Variants in TRIM66 observed in about 807,000 individuals in gnomAD.
The protein encoded by TRIM66 is tripartite motif-containing protein 66.
A neutral mutation model predicts 148.2 loss-of-function variants in TRIM66; 99 were observed. That is an observed-to-expected ratio of 0.67 (90% CI 0.57 to 0.79). The LOEUF (loss-of-function observed/expected upper bound fraction) is 0.79. Ranked by LOEUF, TRIM66 falls within the 30% of genes least tolerant of loss-of-function variation. TRIM66 has a pLI of 0.00. For missense variants in TRIM66, 1,666 were observed against 1,697.9 expected, an observed-to-expected ratio of 0.98 and a Z score of 0.33; for synonymous variants, 616 against 635.9, an observed-to-expected ratio of 0.97 and a Z score of 0.47.
Position 8,622,339 on chromosome 11 carries a change from A to AACAC in TRIM66, c.3080+473_3080+476dup, listed in dbSNP as rs150269400. ...TATATATGGAAGTACACACACACAC[A>AACAC]ACACACACACACACACACACACACA... is the stretch of plus-strand genomic sequence containing the variant. On this transcript the variant is annotated intron_variant, in intron 18 of 24. Coordinates refer to ENST00000646038, the MANE Select transcript of TRIM66 (RefSeq NM_001388022.1). Among the ~76,000 whole-genome samples the AACAC allele has an allele frequency of 7.7e-4, 55 of 71,398 alleles. 6 individuals are homozygous for AACAC. Among genetic ancestry groups the AACAC allele is most frequent in the South Asian group, 1.8e-3 (4 of 2,250 alleles). The allele number at this position is 71,398 out of a possible 152,430, so 46.8% of individuals were successfully genotyped here.
intron 3 of TRIM66, among the ~76,000 whole-genome samples, chr11:8,676,894 T>C (rs1263797226): frequency 3.3e-5 from 5 of 152,236 alleles, no homozygotes; most frequent in African/African-American, 1.2e-4. Flanking sequence ...AATGTGGGTC[T>C]AATGTCTCCA....
At chr11:8,666,341 GAAAAAAAAAAAA>G (rs558326812) in intron 6 of TRIM66, among the ~76,000 whole-genome samples, 33 of 23,542 alleles carry the variant, frequency 1.4e-3, no homozygotes, top group South Asian at 6.8e-3. Context: ...CTCCGCCTCA[GAAAAAAAAAAAA>G]AAAAAAAAAA....
intron 24 of TRIM66, 140 bp downstream of exon 24, chr11:8,618,610 C>G: frequency 1.3e-6 from 1 of 768,896 alleles, no homozygotes; most frequent in Admixed American, 2.3e-5. Flanking sequence ...TCCCTGGGGG[C>G]TAAGGGGCTG....
chr11:8,635,807 C>T (rs963923040), intron 15 of TRIM66, among the ~76,000 whole-genome samples: 1 of 152,172 alleles, frequency 6.6e-6, no homozygotes, highest in Non-Finnish European at 1.5e-5. Context: ...GCTCAGGGAA[C>T]CCTGTTGGCC....
At chr11:8,622,382 A>ATATATATATATATATATC (rs1565477428) in intron 18 of TRIM66, among the ~76,000 whole-genome samples, 1 of 130,416 alleles carries the variant, frequency 7.7e-6, no homozygotes, top group East Asian at 2.1e-4. Flanking sequence ...ATATATATAT[A>ATATATATATATATATATC]TCTCCTACTT....
At position 8,654,087 on chromosome 11, in the gene TRIM66, A is replaced by G. The variant is rs1192681269; in HGVS notation, c.341-2184T>C. Among the ~76,000 whole-genome samples the G allele has an allele frequency of 2.0e-5, 3 of 152,214 alleles. No homozygotes were observed. In the East Asian group the frequency reaches 5.8e-4, roughly 29 times the overall value. ...CATCCCGGGTACCAGATGCCCAAACATCAGTCATTGTAACATGGCCTCACG... is the reference window on the plus strand; with the variant it reads ...CATCCCGGGTACCAGATGCCCAAACGTCAGTCATTGTAACATGGCCTCACG... On this transcript the variant is annotated intron_variant, in intron 6 of 24. Coordinates refer to ENST00000646038, the MANE Select transcript of TRIM66 (RefSeq NM_001388022.1).
intron 6 of TRIM66, among the ~76,000 whole-genome samples, chr11:8,664,131 T>C (rs2038435786): frequency 6.6e-6 from 1 of 152,178 alleles, no homozygotes; most frequent in African/African-American, 2.4e-5. Flanking sequence ...AGATGTAAAG[T>C]GTTCTCACCA....
In TRIM66 at chr11:8,624,980, A is replaced by G; in HGVS notation, c.2559T>C (p.His853=). 1 of 1,551,756 alleles carries G rather than the reference A, an allele frequency of 6.4e-7. No individual in the cohort carries two copies. The highest frequency in any genetic ancestry group is 8.7e-7 in the Non-Finnish European group (1 of 1,147,004). The change falls in exon 16 of 25, where the codon CAT becomes CAC. Residue 853 remains histidine, a synonymous_variant. Transcript: ENST00000646038. ...SHLQTVPSLV[H]STFQSMPNLI... ...GGTTGGGCATGGACTGGAATGTGCT[A>G]TGCACAAGGCTGGGCACAGTCTGTA...
chr11:8,651,183 C>T (rs1336604805), intron 7 of TRIM66, among the ~76,000 whole-genome samples: 1 of 152,068 alleles, frequency 6.6e-6, no homozygotes, highest in Non-Finnish European at 1.5e-5. Context: ...GTATATGGGT[C>T]GATCTCCCTA....
intron 3 of TRIM66, among the ~76,000 whole-genome samples, chr11:8,677,456 T>C (rs2039228082): frequency 6.6e-6 from 1 of 152,190 alleles, no homozygotes; most frequent in South Asian, 2.1e-4. Context: ...GAGAACATGC[T>C]ATTTGTTCAA....
intron 15 of TRIM66, among the ~76,000 whole-genome samples, chr11:8,633,141 A>G (rs2035568396): frequency 6.6e-6 from 1 of 152,160 alleles, no homozygotes; most frequent in African/African-American, 2.4e-5. Flanking sequence ...AGTGTAGGAA[A>G]CTGACTTAAA....
Position 8,622,894 on chromosome 11 carries a change from C to T in TRIM66, c.3020-18G>A. 1 of 1,551,002 alleles carries T rather than the reference C, an allele frequency of 6.4e-7. No homozygotes were observed. On this transcript the variant is annotated intron_variant, in intron 17 of 24. Transcript: ENST00000646038. Reference sequence around the variant, plus strand: ...CTCACACTCTAAGGCAAAAGACAAACAAATACCTGTGACACACATTTGTGG... The same window carrying T: ...CTCACACTCTAAGGCAAAAGACAAATAAATACCTGTGACACACATTTGTGG...
chr11:8,631,583 T>C (rs1305739039), intron 15 of TRIM66, among the ~76,000 whole-genome samples: 1 of 152,204 alleles, frequency 6.6e-6, no homozygotes, highest in African/African-American at 2.4e-5. Context: ...CTTCTAAGAA[T>C]GCAGGGCTTA....
chr11:8,623,100 A>T (rs367815663), intron 17 of TRIM66, among the ~76,000 whole-genome samples: 2 of 152,344 alleles, frequency 1.3e-5, no homozygotes, highest in East Asian at 3.9e-4. Context: ...AACACAAGTA[A>T]CACTCAAGAG....
intron 8 of TRIM66, 25 bp downstream of exon 8, chr11:8,649,715 G>A: frequency 6.5e-7 from 1 of 1,549,958 alleles, no homozygotes; most frequent in Non-Finnish European, 8.7e-7. Context: ...GCATGGGAGT[G>A]GGCAGGGAGA....
rs141731158 is a variant in TRIM66 at position 8,660,816 on chromosome 11, A to C, written c.341-8913T>G. 2.9e-3 allele frequency among the ~76,000 whole-genome samples: 448 copies of C among 152,308 alleles called. 3 individuals carry two copies. Among genetic ancestry groups the C allele is most frequent in the Non-Finnish European group, 5.1e-3 (350 of 68,018 alleles). ...CCTTCAAGTTTGTGTAGGATGTTTCAAGCAAGAAAAGGCATTTCAGGAGGA... is the reference window on the plus strand; with the variant it reads ...CCTTCAAGTTTGTGTAGGATGTTTCCAGCAAGAAAAGGCATTTCAGGAGGA... On this transcript the variant is annotated intron_variant, in intron 6 of 24. Transcript: ENST00000646038.
intron 6 of TRIM66, among the ~76,000 whole-genome samples, chr11:8,658,072 G>A (rs2037987554): frequency 6.6e-6 from 1 of 152,236 alleles, no homozygotes; most frequent in Non-Finnish European, 1.5e-5. Flanking sequence ...ATGGATACTG[G>A]ATAGGGTAAG....
rs963240636 is a variant in TRIM66 at position 8,612,777 on chromosome 11, C to G, written c.*5167G>C. ...GGCACCCACCCTGCCAGGTTCTCCT[C>G]CTGGTTAGCAGCACTGACATGCACG... On this transcript the variant is annotated 3_prime_UTR_variant, in exon 25 of 25. Coordinates refer to ENST00000646038, the MANE Select transcript of TRIM66 (RefSeq NM_001388022.1). 1.3e-5 allele frequency: 2 copies of G among 152,486 alleles called. No homozygotes were observed. Among genetic ancestry groups the G allele is most frequent in the African/African-American group, 4.8e-5 (2 of 41,460 alleles). 9.4% of individuals were successfully genotyped at this position (152,486 alleles called of 1,614,324 possible).
upstream of TRIM66, chr11:8,682,765 A>C (rs1362710924): frequency 6.2e-7 from 1 of 1,613,154 alleles, no homozygotes; most frequent in East Asian, 2.2e-5. Context: ...CGTGGCCGAT[A>C]CCTCGCGAGA....
Sources: gnomAD v4.1 joint callset for allele counts (sites outside exome capture counted in the v4.1 genomes callset) on GRCh38, gnomAD v4.1.1 for gene constraint, MANE v1.5 for transcripts, NCBI Gene and HGNC (gene_info 2026-07-23, HGNC 2026-07-21) for gene names.